FGF12: variants seen among roughly 807,000 people sequenced by gnomAD.
FGF12 encodes fibroblast growth factor 12, also known as fibroblast growth factor 12B.
FGF12 carries 14 observed loss-of-function variants against 23.6 expected under a neutral mutation model. The observed-to-expected ratio is 0.59, with a 90% CI of 0.39 to 0.93. The LOEUF (loss-of-function observed/expected upper bound fraction) is 0.93, where lower values mean the gene tolerates loss of function less well. Ranked by LOEUF, FGF12 falls within the 40% of genes least tolerant of loss-of-function variation. The probability of loss-of-function intolerance (pLI) is 0.00; values close to 1 mark genes in which losing one functional copy is unlikely to be tolerated. For missense variants in FGF12, 175 were observed against 217.8 expected (o/e 0.80, Z 1.24); for synonymous variants, 62 against 77.3 (o/e 0.80, Z 1.04).
chr3:192,270,136 T>C (rs915838239), intron 4 of FGF12, among the ~76,000 whole-genome samples: 18 of 152,002 alleles, frequency 1.2e-4, no homozygotes, highest in African/African-American at 3.6e-4. Flanking sequence ...ATCTTTCACA[T>C]ATAAAATTCA....
In FGF12 at chr3:192,673,621, G is replaced by A. The variant is rs1717215606; in HGVS notation, c.13+53560C>T. Among the ~76,000 whole-genome samples the A allele has an allele frequency of 2.0e-5, 3 of 150,886 alleles. 1 individual carries two copies. Among genetic ancestry groups the A allele is most frequent in the Non-Finnish European group, 4.4e-5 (3 of 67,420 alleles). ...TTCTCGCTGTTCAGCTCCCACCTAT[G>A]AGTGAGAACATGTGATGTTTGGCTT... On this transcript the variant is annotated intron_variant, in intron 2 of 5. Coordinates refer to ENST00000445105, the MANE Select transcript of FGF12 (RefSeq NM_004113.6).
At chr3:192,207,657 TGCTAAA>T (rs1164082909) in intron 4 of FGF12, among the ~76,000 whole-genome samples, 1 of 152,196 alleles carries the variant, frequency 6.6e-6, no homozygotes, top group Admixed American at 6.5e-5. Context: ...ATCGATACTT[TGCTAAA>T]GGGCTTGGCA....
At chr3:192,726,321 T>G (rs1719212935) in intron 2 of FGF12, among the ~76,000 whole-genome samples, 1 of 152,228 alleles carries the variant, frequency 6.6e-6, no homozygotes, top group African/African-American at 2.4e-5. Flanking sequence ...GTATGCCTCC[T>G]GGATATCTGA....
At chr3:192,267,247 G>A (rs1713136627) in intron 4 of FGF12, 1 of 152,134 alleles carries the variant, frequency 6.6e-6, no homozygotes, top group South Asian at 2.1e-4. Context: ...AACTATGCTT[G>A]ATTGGCTGGC....
At chr3:192,631,966 T>C (rs948696692) in intron 2 of FGF12, among the ~76,000 whole-genome samples, 5 of 152,162 alleles carry the variant, frequency 3.3e-5, no homozygotes, top group Non-Finnish European at 5.9e-5. Flanking sequence ...TATTAGTAAA[T>C]CACTGAACTG....
intron 2 of FGF12, among the ~76,000 whole-genome samples, chr3:192,367,898 C>T (rs1258041036): frequency 6.6e-6 from 1 of 152,120 alleles, no homozygotes; most frequent in Admixed American, 6.6e-5. Flanking sequence ...TTGCTGAGGG[C>T]CGTGAATCAA....
In FGF12 at chr3:192,408,448, C is replaced by A; in HGVS notation, c.14-47910G>T. 7.3e-7 allele frequency: 1 copy of A among 1,376,048 alleles called. No individual in the cohort carries two copies. Among genetic ancestry groups the A allele is most frequent in the Non-Finnish European group, 9.3e-7 (1 of 1,070,576 alleles). 85.2% of individuals were successfully genotyped at this position (1,376,048 alleles called of 1,614,324 possible). ...AAAATCCAGATGTAAACTTCCCCAACCTCTGGCGGCCGGGGGGCGGGGCGG... is the reference window on the plus strand; with the variant it reads ...AAAATCCAGATGTAAACTTCCCCAAACTCTGGCGGCCGGGGGGCGGGGCGG... On this transcript the variant is annotated intron_variant, in intron 2 of 5. Transcript: ENST00000445105. This position sits in a 1 kb window ranked among gnomAD's most constrained non-coding sequence, Gnocchi z 7.3.
At chr3:192,609,422 A>G (rs1322109178) in intron 2 of FGF12, among the ~76,000 whole-genome samples, 1 of 152,088 alleles carries the variant, frequency 6.6e-6, no homozygotes, top group Non-Finnish European at 1.5e-5. Flanking sequence ...CCAGGGTAGG[A>G]GGGAGGGATC....
intron 2 of FGF12, among the ~76,000 whole-genome samples, chr3:192,532,488 A>AT (rs113953026): frequency 0.014 from 2,148 of 151,796 alleles, 38 homozygotes; most frequent in African/African-American, 0.044. Flanking sequence ...ATTACTAAGT[A>AT]TTTTTTTTAT....
chr3:192,660,948 G>T (rs1441449399), intron 2 of FGF12, among the ~76,000 whole-genome samples: 1 of 151,052 alleles, frequency 6.6e-6, no homozygotes, highest in African/African-American at 2.4e-5. Context: ...ATAAGGAAAA[G>T]TTGTTCTGAA....
At chr3:192,538,412 ATGCAAT>A (rs1231817149) in intron 2 of FGF12, among the ~76,000 whole-genome samples, 10 of 152,092 alleles carry the variant, frequency 6.6e-5, no homozygotes, top group Non-Finnish European at 1.2e-4. Flanking sequence ...ATCTTTGTTT[ATGCAAT>A]AAGTTAACTG....
chr3:192,514,891 G>A lies in FGF12; in HGVS notation c.14-154353C>T, dbSNP rs1482712782. 1 of 985,032 alleles carries A rather than the reference G, an allele frequency of 1.0e-6. No individual in the cohort carries two copies. The highest frequency in any genetic ancestry group is 1.2e-6 in the Non-Finnish European group (1 of 829,744). The allele number at this position is 985,032 out of a possible 1,614,324, so 61.0% of individuals were successfully genotyped here. Reference sequence around the variant, plus strand: ...CCAGGTGGAGGGGAGTTTGCACATGGAGCCGGAGGGAGCCCGGGCGCCGGC... The same window carrying A: ...CCAGGTGGAGGGGAGTTTGCACATGAAGCCGGAGGGAGCCCGGGCGCCGGC... On this transcript the variant is annotated intron_variant, in intron 2 of 5. Coordinates refer to ENST00000445105, the MANE Select transcript of FGF12 (RefSeq NM_004113.6). This position sits in a 1 kb window ranked among gnomAD's most constrained non-coding sequence, Gnocchi z 4.9.
chr3:192,375,725 G>A (rs760332972), intron 2 of FGF12, among the ~76,000 whole-genome samples: 3 of 151,042 alleles, frequency 2.0e-5, no homozygotes, highest in Admixed American at 1.3e-4. Context: ...CTATTAAAGT[G>A]TAAAAATGTC....
chr3:192,600,330 C>T (rs1261492434), intron 2 of FGF12, among the ~76,000 whole-genome samples: 2 of 151,904 alleles, frequency 1.3e-5, no homozygotes, highest in Non-Finnish European at 1.5e-5. Flanking sequence ...AGTGTGATGC[C>T]TTCAGCTTTG....
chr3:192,358,774 C>T (rs968385689), intron 3 of FGF12, among the ~76,000 whole-genome samples: 3 of 152,104 alleles, frequency 2.0e-5, no homozygotes, highest in African/African-American at 7.2e-5. Context: ...TTGAATATGG[C>T]TAATCGTCTT....
chr3:192,326,255 T>C (rs1716815062), intron 4 of FGF12, among the ~76,000 whole-genome samples: 1 of 152,172 alleles, frequency 6.6e-6, no homozygotes. Flanking sequence ...GTATAAAATG[T>C]GGAAGTTATT....
intron 4 of FGF12, among the ~76,000 whole-genome samples, chr3:192,220,997 T>C (rs1008811714): frequency 6.6e-6 from 1 of 152,130 alleles, no homozygotes; most frequent in South Asian, 2.1e-4. Flanking sequence ...ACCATCTGAA[T>C]GACAAAGAGG....
rs1254760897 is a variant in FGF12 at position 192,409,712 on chromosome 3, G to T, written c.14-49174C>A. Among the ~76,000 whole-genome samples, 3 of 152,174 alleles carry T rather than the reference G, an allele frequency of 2.0e-5. No individual in the cohort carries two copies. Among genetic ancestry groups the T allele is most frequent in the African/African-American group, 4.8e-5 (2 of 41,464 alleles). ...GGCCGGAGCTGCCCACCATGGTCTG[G>T]CGCCAGGGGCGCAGGCGGGGCCCCT... On this transcript the variant is annotated intron_variant, in intron 2 of 5. Coordinates refer to ENST00000445105, the MANE Select transcript of FGF12 (RefSeq NM_004113.6). This position sits in a 1 kb window ranked among gnomAD's most constrained non-coding sequence, Gnocchi z 4.8.
chr3:192,692,453 C>T (rs1252543109), intron 2 of FGF12, among the ~76,000 whole-genome samples: 5 of 152,078 alleles, frequency 3.3e-5, no homozygotes, highest in Non-Finnish European at 7.4e-5. Context: ...CACCTGTATT[C>T]CCAGCACTTT....
Sources: allele counts gnomAD v4.1 joint callset (sites outside exome capture counted in the v4.1 genomes callset), GRCh38; gene constraint gnomAD v4.1.1; non-coding constraint Gnocchi (gnomAD v3.1); transcripts MANE v1.5; gene names NCBI Gene and HGNC (gene_info 2026-07-23, HGNC 2026-07-21).